The following TESC variants were observed in gnomAD, a reference collection of about 807,000 sequenced individuals.
The protein encoded by TESC is tescalcin.
Under a neutral mutation model 31.0 loss-of-function variants are expected in TESC, and 19 were observed. The ratio of observed to expected loss-of-function variants is 0.61; its 90% CI spans 0.43 to 0.90. TESC has a LOEUF of 0.90. Ranked by LOEUF, TESC falls within the 40% of genes least tolerant of loss-of-function variation. TESC has a pLI of 0.00. For missense variants in TESC, 248 were observed against 303.8 expected, an observed-to-expected ratio of 0.82 and a Z score of 1.36; for synonymous variants, 109 against 114.8, an observed-to-expected ratio of 0.95 and a Z score of 0.32.
chr12:117,075,923 G>GTATATATATA (rs1214809145), intron 1 of TESC, among the ~76,000 whole-genome samples: 1 of 68,706 alleles, frequency 1.5e-5, no homozygotes, highest in African/African-American at 7.4e-5. Flanking sequence ...ATGTGTGTGT[G>GTATATATATA]TATATATATA....
intron 4 of TESC, among the ~76,000 whole-genome samples, chr12:117,047,112 G>A (rs1014382690): frequency 3.9e-5 from 6 of 152,254 alleles, no homozygotes; most frequent in Admixed American, 3.3e-4. Context: ...CTGGGAGCTA[G>A]CGCTGTGGCG....
chr12:117,064,949 G>T (rs1054390224), intron 2 of TESC, among the ~76,000 whole-genome samples: 2 of 152,138 alleles, frequency 1.3e-5, no homozygotes, highest in Admixed American at 1.3e-4. Context: ...CTGCTCTAGG[G>T]GAAAAGCATT....
chr12:117,062,836 T>C (rs1185889544), intron 2 of TESC, among the ~76,000 whole-genome samples: 1 of 152,202 alleles, frequency 6.6e-6, no homozygotes, highest in East Asian at 1.9e-4. Context: ...CAGCCCAGGC[T>C]GCAGCCATGG....
At chr12:117,089,966 G>A (rs1256128366) in intron 1 of TESC, among the ~76,000 whole-genome samples, 2 of 151,384 alleles carry the variant, frequency 1.3e-5, no homozygotes, top group Admixed American at 1.3e-4. Flanking sequence ...AGGGAAAAGG[G>A]AAAATAGGTT....
intron 2 of TESC, among the ~76,000 whole-genome samples, chr12:117,057,961 T>C (rs1252493775): frequency 1.3e-5 from 2 of 152,178 alleles, no homozygotes; most frequent in Non-Finnish European, 2.9e-5. Flanking sequence ...AGCTCACACC[T>C]GTAATCCCAG....
intron 1 of TESC, among the ~76,000 whole-genome samples, chr12:117,088,297 A>G (rs1955248612): frequency 1.3e-5 from 2 of 152,206 alleles, no homozygotes; most frequent in Non-Finnish European, 2.9e-5. Context: ...CTTTCAGAGC[A>G]TCTAAGAAAC....
intron 4 of TESC, 41 bp downstream of exon 4, chr12:117,048,978 C>G (rs1306847532): frequency 1.9e-6 from 3 of 1,613,336 alleles, no homozygotes; most frequent in Non-Finnish European, 2.5e-6. Flanking sequence ...GGAGGCTGCA[C>G]CCCAGGCCAG....
chr12:117,075,902 T>C lies in TESC; in HGVS notation c.59-562A>G, dbSNP rs1165033052. 4.4e-5 allele frequency among the ~76,000 whole-genome samples: 4 copies of C among 91,448 alleles called. No individual in the cohort carries two copies. In the South Asian group the frequency reaches 9.5e-4, roughly 22 times the overall value. The allele number at this position is 91,448 out of a possible 152,430, so 60.0% of individuals were successfully genotyped here. On this transcript the variant is annotated intron_variant, in intron 1 of 7. Transcript: ENST00000335209. Reference sequence around the variant, plus strand: ...ATATATATATATATATATATATATATATATATATATATGTGTGTGTGTATA... The same window carrying C: ...ATATATATATATATATATATATATACATATATATATATGTGTGTGTGTATA...
chr12:117,046,207 T>C (rs1300398026), intron 6 of TESC, among the ~76,000 whole-genome samples: 6 of 152,130 alleles, frequency 3.9e-5, no homozygotes, highest in Admixed American at 3.9e-4. Flanking sequence ...ATAAACCAAT[T>C]AAGGCCAGCC....
Position 117,075,950 on chromosome 12 carries a change from CATATATATATATATATGTATGTAT to C in TESC, c.59-634_59-611del, listed in dbSNP as rs1565971793. On this transcript the variant is annotated intron_variant, in intron 1 of 7. Coordinates refer to ENST00000335209, the MANE Select transcript of TESC (RefSeq NM_017899.4). ...ATATATATATATATATGTATATATA[CATATATATATATATATGTATGTAT>C]ATATATATATATTTTTTTTTTTTAG... Among the ~76,000 whole-genome samples, 10 of 47,644 alleles carry C rather than the reference CATATATATATATATATGTATGTAT, an allele frequency of 2.1e-4. 2 individuals are homozygous for C. The highest frequency in any genetic ancestry group is 8.5e-4 in the African/African-American group (10 of 11,820). The allele number at this position is 47,644 out of a possible 152,430, so 31.3% of individuals were successfully genotyped here.
chr12:117,058,107 C>A (rs1382895787), intron 2 of TESC, among the ~76,000 whole-genome samples: 1 of 152,106 alleles, frequency 6.6e-6, no homozygotes, highest in Non-Finnish European at 1.5e-5. Context: ...GTAATCCCAG[C>A]TACTTGGGAA....
intron 2 of TESC, among the ~76,000 whole-genome samples, chr12:117,067,787 A>G (rs1954908118): frequency 6.6e-6 from 1 of 152,174 alleles, no homozygotes; most frequent in Non-Finnish European, 1.5e-5. Flanking sequence ...TGGGGATAAT[A>G]ATGTCAACCT....
At chr12:117,046,289 G>A (rs751847504) in intron 6 of TESC, among the ~76,000 whole-genome samples, 4 of 152,200 alleles carry the variant, frequency 2.6e-5, no homozygotes, top group Non-Finnish European at 5.9e-5. Flanking sequence ...GCCGGGGTGG[G>A]GGATCAGGGG....
At chr12:117,091,226 C>G (rs1032185245) in intron 1 of TESC, among the ~76,000 whole-genome samples, 1 of 152,184 alleles carries the variant, frequency 6.6e-6, no homozygotes, top group Admixed American at 6.5e-5. Context: ...AGGCCCTCAC[C>G]CTGTACAGTC....
chr12:117,096,372 C>G (rs1411982262), intron 1 of TESC, among the ~76,000 whole-genome samples: 1 of 152,190 alleles, frequency 6.6e-6, no homozygotes, highest in Non-Finnish European at 1.5e-5. Context: ...CACTGGGTCT[C>G]TGGGAGCTGA....
intron 7 of TESC, among the ~76,000 whole-genome samples, chr12:117,039,538 T>C (rs758413976): frequency 2.0e-5 from 3 of 146,372 alleles, no homozygotes; most frequent in Admixed American, 1.3e-4. Flanking sequence ...GTGATTTTCA[T>C]GCAAATTACA....
chr12:117,042,513 A>T (rs953334964), intron 6 of TESC, among the ~76,000 whole-genome samples: 2 of 152,248 alleles, frequency 1.3e-5, no homozygotes, highest in African/African-American at 4.8e-5. Context: ...ACACAGGGCC[A>T]GCCTGTGAGG....
chr12:117,077,077 C>T (rs1258174707), intron 1 of TESC, among the ~76,000 whole-genome samples: 2 of 152,198 alleles, frequency 1.3e-5, no homozygotes, highest in South Asian at 4.1e-4. Context: ...CTGGGGCCAA[C>T]TGGTCACCTC....
chr12:117,055,689 G>A (rs984697239), intron 3 of TESC, among the ~76,000 whole-genome samples: 2 of 152,202 alleles, frequency 1.3e-5, no homozygotes, highest in African/African-American at 4.8e-5. Flanking sequence ...AAGCCGCCAT[G>A]CTGTGGGCAG....
Sources: allele counts gnomAD v4.1 joint callset (sites outside exome capture counted in the v4.1 genomes callset), GRCh38; gene constraint gnomAD v4.1.1; transcripts MANE v1.5; gene names NCBI Gene and HGNC (gene_info 2026-07-23, HGNC 2026-07-21).